PCNX2: variants seen among roughly 807,000 people sequenced by gnomAD.
The protein encoded by PCNX2 is pecanex-like protein 2.
A neutral mutation model predicts 223.8 loss-of-function variants in PCNX2; 168 were observed. The observed-to-expected ratio is 0.75, with a 90% CI of 0.66 to 0.85. PCNX2 has a LOEUF of 0.85. Among genes scored for constraint, PCNX2 ranks in the 40% least tolerant of loss-of-function variants. The pLI, the probability that PCNX2 is intolerant of heterozygous loss-of-function variation, is 0.00. For missense variants in PCNX2, 2,507 were observed against 2,675.5 expected (o/e 0.94, Z 1.39); for synonymous variants, 1,006 against 1,052.6 (o/e 0.96, Z 0.86).
In PCNX2 at chr1:233,295,472, A is replaced by G; in HGVS notation, c.7T>C (p.Ser3Pro). 2 of 1,548,414 alleles carry G rather than the reference A, an allele frequency of 1.3e-6. No homozygotes were observed. Among genetic ancestry groups the G allele is most frequent in the Non-Finnish European group, 1.7e-6 (2 of 1,145,870 alleles). The change falls in exon 1 of 34, where the codon TCC becomes CCC. Residue 3 changes from serine (S) to proline (P), a missense_variant. Transcript: ENST00000258229. The surrounding 1 kb of genome is among the most constrained non-coding windows in gnomAD (Gnocchi z 4.1). ...TGCCGGAGCAGCTGCAGCACCTGGG[A>G]CACCATGCCGGCTGCGCCCCGGGGC... is the stretch of plus-strand genomic sequence containing the variant. MV[S>P]QVLQLLRQGV...
intron 28 of PCNX2, among the ~76,000 whole-genome samples, chr1:233,010,747 A>G (rs1034307837): frequency 2.0e-5 from 3 of 152,228 alleles, no homozygotes; most frequent in African/African-American, 7.2e-5. Flanking sequence ...TCTCCATAAC[A>G]TATCAACATT....
At chr1:233,282,289 T>C (rs1313587785) in intron 1 of PCNX2, among the ~76,000 whole-genome samples, 1 of 152,196 alleles carries the variant, frequency 6.6e-6, no homozygotes, top group African/African-American at 2.4e-5. Flanking sequence ...CTACACATTC[T>C]ATTTAGGAAG....
intron 17 of PCNX2, among the ~76,000 whole-genome samples, chr1:233,168,682 AT>A (rs925899889): frequency 1.4e-3 from 210 of 151,900 alleles, no homozygotes; most frequent in African/African-American, 4.9e-3. Context: ...TTATATACTA[AT>A]TTTTTTTCAT....
At chr1:233,031,285 A>G (rs192775635) in intron 25 of PCNX2, among the ~76,000 whole-genome samples, 103 of 152,340 alleles carry the variant, frequency 6.8e-4, no homozygotes, top group Non-Finnish European at 1.1e-3. Context: ...TTAAAACACA[A>G]AACATTTCGC....
Position 233,126,894 on chromosome 1 carries a change from T to C in PCNX2, c.3837+8119A>G, listed in dbSNP as rs1321248255. 6.6e-6 allele frequency among the ~76,000 whole-genome samples: 1 copy of C among 152,130 alleles called. No individual in the cohort carries two copies. Among genetic ancestry groups the C allele is most frequent in the Non-Finnish European group, 1.5e-5 (1 of 68,028 alleles). ...ACCCCCTTTCATCTAGTCACTGAAG[T>C]ATGCTGAGAGCTCTCCCAGAGGTGG... On this transcript the variant is annotated intron_variant, in intron 21 of 33. Transcript: ENST00000258229. The surrounding 1 kb of genome is among the most constrained non-coding windows in gnomAD (Gnocchi z 4.8).
At chr1:233,050,600 T>C (rs1019169563) in intron 25 of PCNX2, among the ~76,000 whole-genome samples, 6 of 152,146 alleles carry the variant, frequency 3.9e-5, no homozygotes, top group African/African-American at 1.4e-4. Context: ...CCCTATTCAA[T>C]AAATGGTGCT....
chr1:233,321,541 G>T, the PCNX2 span, among the ~76,000 whole-genome samples: 4 of 152,174 alleles, frequency 2.6e-5, no homozygotes, highest in South Asian at 8.3e-4. Flanking sequence ...CAAGTGATCC[G>T]CCCACCTTGG....
At chr1:233,171,055 T>C (rs1679123033) in intron 17 of PCNX2, among the ~76,000 whole-genome samples, 1 of 152,236 alleles carries the variant, frequency 6.6e-6, no homozygotes, top group Non-Finnish European at 1.5e-5. Context: ...TCAATCTGTA[T>C]CTTTATTCTT....
chr1:233,252,346 A>C lies in PCNX2; in HGVS notation c.2128+8T>G. On this transcript the variant is annotated splice_region_variant and intron_variant, in intron 7 of 33. Transcript: ENST00000258229. ...CTTGTTCATTAGTAAAGAGCTCCAA[A>C]GACTCACCATGTTCATCAATGAAGA... 1 of 1,599,418 alleles carries C rather than the reference A, an allele frequency of 6.3e-7. No individual in the cohort carries two copies. The highest frequency in any genetic ancestry group is 8.5e-7 in the Non-Finnish European group (1 of 1,170,064).
At chr1:233,307,077 A>G in the PCNX2 span, among the ~76,000 whole-genome samples, 39 of 152,336 alleles carry the variant, frequency 2.6e-4, 1 homozygote, top group South Asian at 4.1e-4. Flanking sequence ...ATATAAAAGG[A>G]AAGTGTTAGC....
intron 1 of PCNX2, chr1:233,291,044 G>T: frequency 1.0e-6 from 1 of 985,368 alleles, no homozygotes; most frequent in Non-Finnish European, 1.2e-6. Context: ...TCCACTGCAG[G>T]TGGCTCCACG....
chr1:233,124,792 C>G (rs1363280231), intron 21 of PCNX2, among the ~76,000 whole-genome samples: 1 of 152,212 alleles, frequency 6.6e-6, no homozygotes, highest in African/African-American at 2.4e-5. Flanking sequence ...ATGTTTATTC[C>G]TGCAAGGGCA....
At chr1:233,097,944 G>A (rs1002369992) in intron 21 of PCNX2, among the ~76,000 whole-genome samples, 2 of 152,204 alleles carry the variant, frequency 1.3e-5, no homozygotes, top group Admixed American at 6.5e-5. Flanking sequence ...GTCTTGAAAA[G>A]TGGTGGTGGG....
At chr1:233,037,242 G>T (rs1353706376) in intron 25 of PCNX2, among the ~76,000 whole-genome samples, 1 of 152,082 alleles carries the variant, frequency 6.6e-6, no homozygotes. Flanking sequence ...CCACGGAATG[G>T]GTTCAGTTCT....
Position 233,295,184 on chromosome 1 carries a change from A to G in PCNX2, c.153+142T>C, listed in dbSNP as rs1662005395. ...CTTTCCCTGCATGTTCTCTGTCCCA[A>G]ATTTCTGAAGCCCCTCCCTTTCCGT... is the stretch of plus-strand genomic sequence containing the variant. On this transcript the variant is annotated intron_variant, in intron 1 of 33. Transcript: ENST00000258229. The surrounding 1 kb of genome is among the most constrained non-coding windows in gnomAD (Gnocchi z 4.1). 1 of 1,235,302 alleles carries G rather than the reference A, an allele frequency of 8.1e-7. No homozygotes were observed. 76.5% of individuals were successfully genotyped at this position (1,235,302 alleles called of 1,614,324 possible).
At chr1:233,319,094 G>A in the PCNX2 span, among the ~76,000 whole-genome samples, 3 of 152,116 alleles carry the variant, frequency 2.0e-5, no homozygotes, top group Non-Finnish European at 4.4e-5. Context: ...CACAAAGCCT[G>A]TCCCTCTCTC....
chr1:233,287,162 T>C (rs908233800), intron 1 of PCNX2, among the ~76,000 whole-genome samples: 3 of 152,340 alleles, frequency 2.0e-5, no homozygotes, highest in Middle Eastern at 3.4e-3. Context: ...TCCACTCACA[T>C]GTGTATAAAA....
chr1:233,065,990 T>A (rs370818264), intron 23 of PCNX2, among the ~76,000 whole-genome samples: 1 of 152,200 alleles, frequency 6.6e-6, no homozygotes, highest in African/African-American at 2.4e-5. Context: ...TTTCAGCCAA[T>A]TGAATGGTGC....
intron 3 of PCNX2, 140 bp downstream of exon 3, chr1:233,261,899 AGACCCT>A (rs1168698845): frequency 6.2e-6 from 8 of 1,291,264 alleles, no homozygotes; most frequent in African/African-American, 1.5e-5. Flanking sequence ...GGCCATTTCC[AGACCCT>A]GGGATGTGAT....
Sources: allele counts gnomAD v4.1 joint callset (sites outside exome capture counted in the v4.1 genomes callset), GRCh38; gene constraint gnomAD v4.1.1; non-coding constraint Gnocchi (gnomAD v3.1); transcripts MANE v1.5; gene names NCBI Gene and HGNC (gene_info 2026-07-23, HGNC 2026-07-21).